KNL1: variants seen among roughly 807,000 people sequenced by gnomAD.
KNL1 encodes outer kinetochore KNL1 complex subunit KNL1.
KNL1 carries 66 observed loss-of-function variants against 201.3 expected under a neutral mutation model. That is an observed-to-expected ratio of 0.33 (90% CI 0.27 to 0.40). KNL1 has a LOEUF of 0.40. Ranked by LOEUF, KNL1 falls within the 10% of genes least tolerant of loss-of-function variation. The pLI is 1.00. For synonymous variants in KNL1, 895 were observed against 899.2 expected, an observed-to-expected ratio of 1.00 and a Z score of 0.08; for missense variants, 2,815 against 2,690.5, an observed-to-expected ratio of 1.05 and a Z score of -1.02.
chr15:40,602,719 A>G (rs1293999885), intron 1 of KNL1, among the ~76,000 whole-genome samples, 196 bp from the exon 2 acceptor site: 1 of 146,304 alleles, frequency 6.8e-6, no homozygotes, highest in Non-Finnish European at 1.5e-5. Flanking sequence ...TTCTGACCTC[A>G]GGTGATCTGC....
chr15:40,628,696 T>C lies in KNL1; in HGVS notation c.5583+18T>C. On this transcript the variant is annotated intron_variant, in intron 12 of 25. Coordinates refer to ENST00000399668, the MANE Select transcript of KNL1 (RefSeq NM_144508.5). ...TGAGGGAGGTATGTTAAAATTCTTT[T>C]TCTTTTTTTTATTTATAAAGAAAAG... 1 of 1,487,250 alleles carries C rather than the reference T, an allele frequency of 6.7e-7. No individual in the cohort carries two copies. The highest frequency in any genetic ancestry group is 1.3e-5 in the South Asian group (1 of 79,406). 92.1% of individuals were successfully genotyped at this position (1,487,250 alleles called of 1,614,324 possible).
chr15:40,624,772 G>A lies in KNL1; in HGVS notation c.4508G>A (p.Cys1503Tyr), dbSNP rs945534390. Residue 1503 changes from cysteine to tyrosine, a missense_variant, in exon 10 of 26, where the codon TGT becomes TAT. This residue lies in a region of KNL1 where 2,464 missense variants were observed against 2,291.7 expected (regional missense o/e 1.08). Coordinates refer to ENST00000399668, the MANE Select transcript of KNL1 (RefSeq NM_144508.5). ...AGTGAGGAATGGTTTGCTGCAGCCT[G>A]TAAAAAAGAACTGAAGGAAAATATT... The part of the protein sequence containing the change: ...LNSEEWFAAA[C>Y]KKELKENIQT... 2.5e-6 allele frequency: 4 copies of A among 1,613,626 alleles called. No homozygotes were observed. Among genetic ancestry groups the A allele is most frequent in the African/African-American group, 1.3e-5 (1 of 74,906 alleles).
At chr15:40,629,406 A>G in intron 13 of KNL1, 35 bp downstream of exon 13, 1 of 1,412,550 alleles carries the variant, frequency 7.1e-7, no homozygotes, top group Non-Finnish European at 9.8e-7. Context: ...GTTTGCATCA[A>G]AGCAAACATT....
chr15:40,627,875 A>C (rs1234309779), intron 10 of KNL1, among the ~76,000 whole-genome samples, 195 bp from the exon 11 acceptor site: 1 of 152,244 alleles, frequency 6.6e-6, no homozygotes, highest in Non-Finnish European at 1.5e-5. Flanking sequence ...TAATCCATAG[A>C]GTAATTTTCA....
chr15:40,610,383 T>G, intron 6 of KNL1, 86 bp downstream of exon 6: 1 of 742,170 alleles, frequency 1.3e-6, no homozygotes, highest in Non-Finnish European at 2.4e-6. Context: ...ATATAACTTA[T>G]TGTCTATCTT....
rs1216791014 is a variant in KNL1, at chr15:40,663,457, A to C, written c.*1269A>C. The C allele has an allele frequency of 5.4e-6, 1 of 185,886 alleles. No individual in the cohort carries two copies. The highest frequency in any genetic ancestry group is 2.3e-5 in the African/African-American group (1 of 42,722). The allele number at this position is 185,886 out of a possible 1,614,324, so 11.5% of individuals were successfully genotyped here. ...AATGTTGTTTTTGTGTTTGTGATGTAGTAAGGAGATGTACATAGAAATTCA... is the reference window on the plus strand; with the variant it reads ...AATGTTGTTTTTGTGTTTGTGATGTCGTAAGGAGATGTACATAGAAATTCA... On this transcript the variant is annotated 3_prime_UTR_variant, in exon 26 of 26. Transcript: ENST00000399668.
intron 7 of KNL1, among the ~76,000 whole-genome samples, chr15:40,614,211 C>T (rs566936751): frequency 6.6e-6 from 1 of 151,946 alleles, no homozygotes; most frequent in African/African-American, 2.4e-5. Flanking sequence ...AATTCTCCTG[C>T]CTCAGCCTCC....
intron 1 of KNL1, among the ~76,000 whole-genome samples, chr15:40,601,006 T>C (rs1299016892): frequency 6.6e-6 from 1 of 152,198 alleles, no homozygotes; most frequent in East Asian, 1.9e-4. Flanking sequence ...TGATGCAAAT[T>C]CACTATATTT....
intron 1 of KNL1, among the ~76,000 whole-genome samples, chr15:40,595,554 A>G (rs1233498581): frequency 6.6e-6 from 1 of 152,222 alleles, no homozygotes; most frequent in Non-Finnish European, 1.5e-5. Flanking sequence ...TTGAATTAAA[A>G]TGTTTGGAAT....
chr15:40,654,120 T>C (rs1033567380), intron 21 of KNL1, among the ~76,000 whole-genome samples: 2 of 152,078 alleles, frequency 1.3e-5, no homozygotes, highest in South Asian at 2.1e-4. Context: ...ACATAGAAAA[T>C]ATGTAACAAA....
At chr15:40,646,759 A>T (rs918580717) in intron 16 of KNL1, 1 of 275,088 alleles carries the variant, frequency 3.6e-6, no homozygotes, top group African/African-American at 2.3e-5. Flanking sequence ...CAGGAGGCTG[A>T]GGCAGGAGAA....
chr15:40,639,918 T>A (rs1230379162), intron 13 of KNL1, among the ~76,000 whole-genome samples: 1 of 151,312 alleles, frequency 6.6e-6, no homozygotes, highest in Non-Finnish European at 1.5e-5. Context: ...CTACAAAAAA[T>A]TTTAAAATTA....
At chr15:40,625,987 G>A (rs1007313914) in intron 10 of KNL1, 16 of 208,054 alleles carry the variant, frequency 7.7e-5, no homozygotes, top group Admixed American at 2.1e-4. Flanking sequence ...GAATCTCTAG[G>A]GAGGTTATAT....
In KNL1 at chr15:40,637,418, A is replaced by G. The variant is rs184429883; in HGVS notation, c.5683-3494A>G. On this transcript the variant is annotated intron_variant, in intron 13 of 25. Coordinates refer to ENST00000399668, the MANE Select transcript of KNL1 (RefSeq NM_144508.5). ...CCGTTGTAATTCCATTAGGAAATAG[A>G]TAATGTCTGGTGATGACGTGTATGC... is the stretch of plus-strand genomic sequence containing the variant. Among the ~76,000 whole-genome samples, 4 of 151,314 alleles carry G rather than the reference A, an allele frequency of 2.6e-5. No homozygotes were observed. In the East Asian group the frequency reaches 7.8e-4, roughly 29 times the overall value.
chr15:40,649,610 A>G (rs1170147875), intron 17 of KNL1, among the ~76,000 whole-genome samples: 3 of 148,632 alleles, frequency 2.0e-5, no homozygotes, highest in Non-Finnish European at 4.5e-5. Context: ...TTTTATTTAA[A>G]AAAAAAAAAA....
intron 1 of KNL1, among the ~76,000 whole-genome samples, chr15:40,598,872 C>T (rs565535638): frequency 6.6e-6 from 1 of 152,086 alleles, no homozygotes; most frequent in East Asian, 1.9e-4. Flanking sequence ...GGCGTGATCA[C>T]GGCTCACTGC....
At chr15:40,601,140 G>A (rs1210322264) in intron 1 of KNL1, among the ~76,000 whole-genome samples, 3 of 152,148 alleles carry the variant, frequency 2.0e-5, no homozygotes, top group Admixed American at 6.5e-5. Context: ...GCCTTCTGTC[G>A]GATCAGCAGT....
chr15:40,596,348 C>G (rs1566996087), intron 1 of KNL1, among the ~76,000 whole-genome samples: 2 of 152,176 alleles, frequency 1.3e-5, no homozygotes, highest in African/African-American at 4.8e-5. Flanking sequence ...GCTATCTTGG[C>G]TCACTGCAGC....
Position 40,654,986 on chromosome 15 carries a change from A to G in KNL1, c.6484+9A>G, listed in dbSNP as rs1420580594. ...TCAATCTCTGTTAGATGGTAAGTAGAAAACATTTAAGCCTCTAAAAATTTG... is the reference window on the plus strand; with the variant it reads ...TCAATCTCTGTTAGATGGTAAGTAGGAAACATTTAAGCCTCTAAAAATTTG... On this transcript the variant is annotated intron_variant, in intron 22 of 25. Transcript: ENST00000399668. 3 of 1,606,856 alleles carry G rather than the reference A, an allele frequency of 1.9e-6. No homozygotes were observed. Among genetic ancestry groups the G allele is most frequent in the African/African-American group, 2.7e-5 (2 of 74,770 alleles).
Sources: gnomAD v4.1 joint callset for allele counts (sites outside exome capture counted in the v4.1 genomes callset) on GRCh38, gnomAD v4.1.1 for gene constraint, gnomAD v4.1.1 regional missense constraint, MANE v1.5 for transcripts, NCBI Gene and HGNC (gene_info 2026-07-23, HGNC 2026-07-21) for gene names.